The following ZNF436 variants were observed in gnomAD, a reference collection of about 807,000 sequenced individuals.
ZNF436 encodes the protein zinc finger protein 436.
ZNF436 carries 22 observed loss-of-function variants against 41.9 expected under a neutral mutation model. That is an observed-to-expected ratio of 0.53 (90% CI 0.38 to 0.75). The LOEUF (loss-of-function observed/expected upper bound fraction) is 0.75. Among genes scored for constraint, ZNF436 ranks in the 30% least tolerant of loss-of-function variants. The probability of loss-of-function intolerance (pLI) is 0.00; values close to 1 mark genes in which losing one functional copy is unlikely to be tolerated. For synonymous variants in ZNF436, 217 were observed against 197.8 expected (o/e 1.10, Z -0.82); for missense variants, 506 against 587.3 (o/e 0.86, Z 1.43).
intron 1 of ZNF436, among the ~76,000 whole-genome samples, chr1:23,368,668 C>T (rs1218231909): frequency 6.6e-6 from 1 of 152,264 alleles, no homozygotes; most frequent in East Asian, 1.9e-4. Flanking sequence ...CACGATTAAG[C>T]TAGAGGCTGC....
chr1:23,366,107 AT>A (rs1235689605), intron 3 of ZNF436, among the ~76,000 whole-genome samples: 3 of 152,126 alleles, frequency 2.0e-5, no homozygotes, highest in Non-Finnish European at 4.4e-5. Context: ...TCAGTGGAAT[AT>A]TTGGGTTACA....
chr1:23,369,438 G>A lies in ZNF436; in HGVS notation c.-133C>T, dbSNP rs1638448746. ...GAGACCGCGAACGGGTTCCAGAGCC[G>A]CAGCGTTCTCTCAGACCTGGCGTTC... On this transcript the variant is annotated 5_prime_UTR_variant, in exon 1 of 4. Coordinates refer to ENST00000314011, the MANE Select transcript of ZNF436 (RefSeq NM_001077195.2). 1 of 534,550 alleles carries A rather than the reference G, an allele frequency of 1.9e-6. No homozygotes were observed. Among genetic ancestry groups the A allele is most frequent in the Non-Finnish European group, 3.8e-6 (1 of 259,898 alleles). 33.1% of individuals were successfully genotyped at this position (534,550 alleles called of 1,614,324 possible).
Position 23,361,094 on chromosome 1 carries a change from ACT to A in ZNF436, c.*873_*874del, listed in dbSNP as rs540988003. Reference sequence around the variant, plus strand: ...AACGACCTACATTCCTTGGGAAGGGACTCTGTGGTTCCTTCCCTGAAGGACTC... The same window carrying A: ...AACGACCTACATTCCTTGGGAAGGGACTGTGGTTCCTTCCCTGAAGGACTC... On this transcript the variant is annotated 3_prime_UTR_variant, in exon 4 of 4. Transcript: ENST00000314011. 6.6e-5 allele frequency: 10 copies of A among 152,408 alleles called. No homozygotes were observed. In the East Asian group the frequency reaches 1.7e-3, roughly 27 times the overall value. 9.4% of individuals were successfully genotyped at this position (152,408 alleles called of 1,614,324 possible).
At chr1:23,364,363 G>A (rs571702787) in intron 3 of ZNF436, among the ~76,000 whole-genome samples, 8 of 152,160 alleles carry the variant, frequency 5.3e-5, no homozygotes, top group East Asian at 1.9e-4. Flanking sequence ...TCATCTTTCC[G>A]AGTAGCTGGG....
chr1:23,366,387 CAGCTCAAGAAT>C (rs1638359470), intron 3 of ZNF436, among the ~76,000 whole-genome samples: 1 of 129,614 alleles, frequency 7.7e-6, no homozygotes, highest in Non-Finnish European at 1.8e-5. Flanking sequence ...AAAGACCGTT[CAGCTCAAGAAT>C]ATACTCTTTA....
Position 23,361,872 on chromosome 1 carries a change from G to T in ZNF436, c.*97C>A. 1.5e-6 allele frequency: 2 copies of T among 1,290,988 alleles called. No individual in the cohort carries two copies. The highest frequency in any genetic ancestry group is 2.1e-6 in the Non-Finnish European group (2 of 945,192). The allele number at this position is 1,290,988 out of a possible 1,614,324, so 80.0% of individuals were successfully genotyped here. On this transcript the variant is annotated 3_prime_UTR_variant, in exon 4 of 4. Transcript: ENST00000314011. ...TTTAAATCGTGGCCCACAACTAGGAGAGTATGATAAAAGCAGCTCAGTCTT... is the reference window on the plus strand; with the variant it reads ...TTTAAATCGTGGCCCACAACTAGGATAGTATGATAAAAGCAGCTCAGTCTT...
Position 23,367,131 on chromosome 1 carries a change from G to C in ZNF436, c.71C>G (p.Thr24Ser). 6.2e-7 allele frequency: 1 copy of C among 1,613,604 alleles called. No individual in the cohort carries two copies. Among genetic ancestry groups the C allele is most frequent in the Non-Finnish European group, 8.5e-7 (1 of 1,179,716 alleles). The change falls in exon 3 of 4, where the codon ACC becomes AGC. Residue 24 changes from threonine to serine, a missense_variant. Around this residue, in one of 2 missense-constraint regions of ZNF436, gnomAD observed 228 missense variants for 215.1 expected, o/e 1.06. Transcript: ENST00000314011. Reference protein sequence around the residue: ...VTFEDMAMYLTREEWRPLDAA... With the variant: ...VTFEDMAMYLSREEWRPLDAA... ...GTCCAGAGGTCTCCATTCTTCCCGG[G>C]TGAGATACATGGCCATATCTTCAAA...
intron 3 of ZNF436, among the ~76,000 whole-genome samples, chr1:23,366,706 G>C (rs1638365250): frequency 6.6e-6 from 1 of 152,182 alleles, no homozygotes; most frequent in Non-Finnish European, 1.5e-5. Flanking sequence ...TAGCACCCTA[G>C]AGTAAAAGCA....
chr1:23,364,313 C>T (rs1302256412), intron 3 of ZNF436, among the ~76,000 whole-genome samples: 1 of 152,226 alleles, frequency 6.6e-6, no homozygotes, highest in Non-Finnish European at 1.5e-5. Flanking sequence ...TCTCCGCTCA[C>T]TGTAACCTCT....
Position 23,361,997 on chromosome 1 carries a change from A to T in ZNF436, c.1385T>A (p.Ile462Asn), listed in dbSNP as rs879661244. The change falls in exon 4 of 4, where the codon ATT (isoleucine) becomes AAT (asparagine). Residue 462 changes from isoleucine (I) to asparagine (N), a missense_variant. This residue lies in a region of ZNF436 where 278 missense variants were observed against 372.1 expected (regional missense o/e 0.75). Transcript: ENST00000314011. The part of the protein sequence containing the change: ...EKSFSRSSAL[I>N]KHKRVHTD ...GTCCGTATGAACTCTCTTATGTTTA[A>T]TAAGAGCTGAGCTCCTGCTGAAACT... is the stretch of plus-strand genomic sequence containing the variant. The T allele has an allele frequency of 6.2e-7, 1 of 1,610,344 alleles. No homozygotes were observed. The highest frequency in any genetic ancestry group is 2.2e-5 in the East Asian group (1 of 44,854).
Position 23,360,626 on chromosome 1 carries a change from C to A in ZNF436, c.*1343G>T, listed in dbSNP as rs903724551. On this transcript the variant is annotated 3_prime_UTR_variant, in exon 4 of 4. Coordinates refer to ENST00000314011, the MANE Select transcript of ZNF436 (RefSeq NM_001077195.2). ...CATTCCTACCGAGGTTCGTTAATTC[C>A]TTCTGACTAAGCCAAAGAGTTCTTC... 32 of 152,544 alleles carry A rather than the reference C, an allele frequency of 2.1e-4. No homozygotes were observed. Among genetic ancestry groups the A allele is most frequent in the African/African-American group, 5.1e-4 (21 of 41,440 alleles). 9.4% of individuals were successfully genotyped at this position (152,544 alleles called of 1,614,324 possible).
chr1:23,368,522 T>G (rs1289073115), intron 1 of ZNF436: 1 of 155,032 alleles, frequency 6.5e-6, no homozygotes, highest in Non-Finnish European at 1.4e-5. Context: ...TGCCGGGAGT[T>G]GGAGTTCCAC....
rs1274779962 is a variant in ZNF436 at position 23,361,981 on chromosome 1, A to C, written c.1401T>G (p.Val467=). The C allele has an allele frequency of 6.3e-7, 1 of 1,596,336 alleles. No individual in the cohort carries two copies. Among genetic ancestry groups the C allele is most frequent in the Non-Finnish European group, 8.5e-7 (1 of 1,171,560 alleles). The change falls in exon 4 of 4, where the codon GTT becomes GTG. Residue 467 remains valine, a synonymous_variant. Coordinates refer to ENST00000314011, the MANE Select transcript of ZNF436 (RefSeq NM_001077195.2). ...RSSALIKHKR[V]HTD ...TCATAATTACAGCTTAGTCCGTATG[A>C]ACTCTCTTATGTTTAATAAGAGCTG...
At position 23,360,327 on chromosome 1, in the gene ZNF436, T is replaced by A. The variant is rs1000669000; in HGVS notation, c.*1642A>T. The A allele has an allele frequency of 2.6e-5, 4 of 152,220 alleles. No individual in the cohort carries two copies. Among genetic ancestry groups the A allele is most frequent in the African/African-American group, 4.8e-5 (2 of 41,454 alleles). The allele number at this position is 152,220 out of a possible 1,614,324, so 9.4% of individuals were successfully genotyped here. On this transcript the variant is annotated 3_prime_UTR_variant, in exon 4 of 4. Coordinates refer to ENST00000314011, the MANE Select transcript of ZNF436 (RefSeq NM_001077195.2). ...CTAAAAAGCTATGGCAAAACATTTT[T>A]AAAATGTTACAACATTCACAATAAA... is the stretch of plus-strand genomic sequence containing the variant.
rs868386001 is a variant in ZNF436, at chr1:23,361,122, A to G, written c.*847T>C. 1 of 152,528 alleles carries G rather than the reference A, an allele frequency of 6.6e-6. No homozygotes were observed. The highest frequency in any genetic ancestry group is 6.5e-5 in the Admixed American group (1 of 15,278). 9.4% of individuals were successfully genotyped at this position (152,528 alleles called of 1,614,324 possible). Reference sequence around the variant, plus strand: ...CTGTGGTTCCTTCCCTGAAGGACTCAATTCCACTTGCTCCTTACACTTAAC... The same window carrying G: ...CTGTGGTTCCTTCCCTGAAGGACTCGATTCCACTTGCTCCTTACACTTAAC... On this transcript the variant is annotated 3_prime_UTR_variant, in exon 4 of 4. Coordinates refer to ENST00000314011, the MANE Select transcript of ZNF436 (RefSeq NM_001077195.2).
In ZNF436 at chr1:23,362,596, G is replaced by T; in HGVS notation, c.786C>A (p.Ser262Arg). 5 of 1,613,994 alleles carry T rather than the reference G, an allele frequency of 3.1e-6. No individual in the cohort carries two copies. The highest frequency in any genetic ancestry group is 4.2e-6 in the Non-Finnish European group (5 of 1,179,910). The change falls in exon 4 of 4, where the codon AGC (serine) becomes AGA (arginine). Residue 262 changes from serine (S) to arginine (R), a missense_variant. Ser to Arg is a moderately radical substitution (Grantham distance 110). Coordinates refer to ENST00000314011, the MANE Select transcript of ZNF436 (RefSeq NM_001077195.2). The part of the protein sequence containing the change: ...CEECGKSFSR[S>R]SHLAQHQRTH... ...TCCTCTGGTGCTGAGCTAGGTGAGA[G>T]CTCCGGCTGAAGCTTTTCCCACACT...
Position 23,361,763 on chromosome 1 carries a change from A to G in ZNF436, c.*206T>C, listed in dbSNP as rs1000489867. The G allele has an allele frequency of 2.0e-6, 1 of 510,598 alleles. No homozygotes were observed. The highest frequency in any genetic ancestry group is 1.9e-5 in the African/African-American group (1 of 51,590). The allele number at this position is 510,598 out of a possible 1,614,324, so 31.6% of individuals were successfully genotyped here. A position where few individuals can be genotyped will look rare whatever the true frequency, so the allele number is the denominator to read the frequency against. On this transcript the variant is annotated 3_prime_UTR_variant, in exon 4 of 4. Transcript: ENST00000314011. ...CTGCTTTTAATGAAGTAACCCATTG[A>G]GTGAATAAAAATCACCATTTTGGAG... is the stretch of plus-strand genomic sequence containing the variant.
chr1:23,365,443 G>A (rs192426611), intron 3 of ZNF436, among the ~76,000 whole-genome samples: 2 of 151,294 alleles, frequency 1.3e-5, no homozygotes, highest in East Asian at 3.9e-4. Context: ...GCTGAGCATG[G>A]TGCCTGACAC....
chr1:23,363,121 C>T lies in ZNF436; in HGVS notation c.261G>A (p.Glu87=). 1 of 1,614,186 alleles carries T rather than the reference C, an allele frequency of 6.2e-7. No individual in the cohort carries two copies. Among genetic ancestry groups the T allele is most frequent in the Non-Finnish European group, 8.5e-7 (1 of 1,180,046 alleles). The change falls in exon 4 of 4, where the codon GAG becomes GAA. Residue 87 remains glutamate, a synonymous_variant. Coordinates refer to ENST00000314011, the MANE Select transcript of ZNF436 (RefSeq NM_001077195.2). Reference sequence around the variant, plus strand: ...AGCCCTCTTCACTTTCAGGATTTTCCTCAGCATTCTCAGCAGGTCTTTCAG... The same window carrying T: ...AGCCCTCTTCACTTTCAGGATTTTCTTCAGCATTCTCAGCAGGTCTTTCAG... ...TTSERPAENA[E]ENPESEEGFE...
Sources: gnomAD v4.1 joint callset for allele counts (sites outside exome capture counted in the v4.1 genomes callset) on GRCh38, gnomAD v4.1.1 for gene constraint, gnomAD v4.1.1 regional missense constraint, MANE v1.5 for transcripts, NCBI Gene and HGNC (gene_info 2026-07-23, HGNC 2026-07-21) for gene names.